UNC13C: variants seen among roughly 807,000 people sequenced by gnomAD.
UNC13C encodes the protein protein unc-13 homolog C.
Under a neutral mutation model 245.4 loss-of-function variants are expected in UNC13C, and 174 were observed. The observed-to-expected ratio is 0.71, with a 90% confidence interval of 0.63 to 0.80. UNC13C has a LOEUF of 0.80. UNC13C is among the 30% of genes least tolerant of loss of function. The probability of loss-of-function intolerance (pLI) is 0.00; values close to 1 mark genes in which losing one functional copy is unlikely to be tolerated. For missense variants in UNC13C, 2,829 were observed against 2,602.9 expected, an observed-to-expected ratio of 1.09 and a Z score of -1.89; for synonymous variants, 992 against 895.1, an observed-to-expected ratio of 1.11 and a Z score of -1.93.
chr15:54,038,140 T>TTTTTTC (rs1555406257), intron 2 of UNC13C, among the ~76,000 whole-genome samples: 12 of 127,548 alleles, frequency 9.4e-5, no homozygotes, highest in African/African-American at 3.5e-4. Flanking sequence ...TTTTTTTTTT[T>TTTTTTC]CCTGAGACAG....
chr15:54,023,231 G>A (rs562286882), intron 2 of UNC13C, among the ~76,000 whole-genome samples: 8 of 152,290 alleles, frequency 5.3e-5, no homozygotes, highest in African/African-American at 1.9e-4. Flanking sequence ...ATCATATAGC[G>A]AATTAAGGGT....
At chr15:53,920,201 A>G in the UNC13C span, among the ~76,000 whole-genome samples, 1 of 152,322 alleles carries the variant, frequency 6.6e-6, no homozygotes, top group South Asian at 2.1e-4. Flanking sequence ...AATATTGTTA[A>G]GATAACGCTA....
At chr15:54,181,962 T>G (rs909630265) in intron 4 of UNC13C, among the ~76,000 whole-genome samples, 1 of 151,980 alleles carries the variant, frequency 6.6e-6, no homozygotes, top group South Asian at 2.1e-4. Flanking sequence ...TCTAGATATA[T>G]GATCATATTT....
intron 2 of UNC13C, among the ~76,000 whole-genome samples, chr15:54,057,108 C>T (rs571919422): frequency 3.9e-5 from 6 of 152,256 alleles, no homozygotes; most frequent in Non-Finnish European, 8.8e-5. Flanking sequence ...TCACACATAA[C>T]AATACTAATC....
rs202079449 is a variant in UNC13C at position 54,322,073 on chromosome 15, G to A, written c.4403G>A (p.Arg1468Gln). 6.3e-6 allele frequency: 10 copies of A among 1,580,496 alleles called. No individual in the cohort carries two copies. The highest frequency in any genetic ancestry group is 1.7e-4 in the Middle Eastern group (1 of 5,994). ...STNIQVSASDRFAATNFGREK... is the reference protein window; with the variant it reads ...STNIQVSASDQFAATNFGREK... Reference sequence around the variant, plus strand: ...AACATACAGGTTTCTGCCTCAGATCGATTTGCTGCTACCAACTTTGGTGTA... The same window carrying A: ...AACATACAGGTTTCTGCCTCAGATCAATTTGCTGCTACCAACTTTGGTGTA... The change falls in exon 14 of 33, where the codon CGA becomes CAA. Residue 1468 changes from arginine (R) to glutamine (Q), a missense_variant. Coordinates refer to ENST00000260323, the MANE Select transcript of UNC13C (RefSeq NM_001080534.3).
intron 4 of UNC13C, among the ~76,000 whole-genome samples, chr15:54,220,120 C>A: frequency 6.6e-6 from 1 of 150,508 alleles, no homozygotes; most frequent in Non-Finnish European, 1.5e-5. Context: ...GACTATAAAT[C>A]ATGCTGCTAT....
intron 25 of UNC13C, among the ~76,000 whole-genome samples, chr15:54,527,953 C>T (rs1895549905): frequency 6.6e-6 from 1 of 152,172 alleles, no homozygotes; most frequent in South Asian, 2.1e-4. Context: ...TGTGATCATG[C>T]TGTGAAGTCA....
chr15:53,927,010 C>G, the UNC13C span, among the ~76,000 whole-genome samples: 1 of 152,166 alleles, frequency 6.6e-6, no homozygotes, highest in Non-Finnish European at 1.5e-5. Context: ...AGATTGTCAT[C>G]CATTTATTTA....
chr15:54,632,692 G>C (rs1171171369), downstream of UNC13C: 1 of 152,176 alleles, frequency 6.6e-6, no homozygotes, highest in Middle Eastern at 3.2e-3. Flanking sequence ...CCAAATGTGT[G>C]TGAGTCCATT....
At chr15:54,274,830 C>A (rs2036788745) in intron 10 of UNC13C, among the ~76,000 whole-genome samples, 1 of 151,902 alleles carries the variant, frequency 6.6e-6, no homozygotes, top group Non-Finnish European at 1.5e-5. Flanking sequence ...CGCCACCACG[C>A]CCAGCTAATT....
intron 17 of UNC13C, among the ~76,000 whole-genome samples, chr15:54,353,896 A>G (rs113976886): frequency 1.2e-4 from 18 of 152,290 alleles, no homozygotes; most frequent in East Asian, 1.9e-4. Context: ...ACGCCAACCA[A>G]TTGAAAAACA....
At chr15:54,457,574 A>T (rs918774694) in intron 19 of UNC13C, among the ~76,000 whole-genome samples, 2 of 151,524 alleles carry the variant, frequency 1.3e-5, no homozygotes, top group Admixed American at 1.3e-4. Flanking sequence ...CTCTGTTCCG[A>T]GTTTCTATTT....
At chr15:54,523,024 T>G (rs1895291525) in intron 24 of UNC13C, among the ~76,000 whole-genome samples, 1 of 152,184 alleles carries the variant, frequency 6.6e-6, no homozygotes, top group Non-Finnish European at 1.5e-5. Flanking sequence ...AAATATTAGA[T>G]TGCCTTTTAC....
intron 4 of UNC13C, among the ~76,000 whole-genome samples, chr15:54,221,945 G>T (rs2035239895): frequency 6.6e-6 from 1 of 151,852 alleles, no homozygotes. Context: ...GGGAATTTTT[G>T]TTTTATTTTA....
chr15:54,255,886 A>T (rs1010260745), intron 8 of UNC13C, among the ~76,000 whole-genome samples: 1 of 152,198 alleles, frequency 6.6e-6, no homozygotes, highest in African/African-American at 2.4e-5. Context: ...AATGAATGCA[A>T]TGGTCAGTTC....
chr15:54,623,883 CA>C lies in UNC13C; in HGVS notation c.6290del (p.Lys2097ArgfsTer55). 1 of 1,613,104 alleles carries C rather than the reference CA, an allele frequency of 6.2e-7. No individual in the cohort carries two copies. The highest frequency in any genetic ancestry group is 2.2e-5 in the East Asian group (1 of 44,830). ...GTATACTGGGACCCAACCTTGGAGACAAGAAGAGAAAACAAGGCACAAAAAC... is the reference window on the plus strand; with the variant it reads ...GTATACTGGGACCCAACCTTGGAGACAGAAGAGAAAACAAGGCACAAAAAC... ...VCILGPNLGDKKRKQGTKTKS... is the reference protein window; with the variant it reads ...VCILGPNLGDXKRKQGTKTKS... On this transcript the variant is annotated frameshift_variant, in exon 32 of 33. Coordinates refer to ENST00000260323, the MANE Select transcript of UNC13C (RefSeq NM_001080534.3). LOFTEE classifies it high-confidence loss of function.
chr15:54,442,342 C>T (rs1028231925), intron 19 of UNC13C, among the ~76,000 whole-genome samples: 1 of 150,954 alleles, frequency 6.6e-6, no homozygotes, highest in South Asian at 2.1e-4. Flanking sequence ...TCTGCCTCAG[C>T]CTCCTGAATA....
rs201134659 is a variant in UNC13C at position 54,500,105 on chromosome 15, G to T, written c.5087G>T (p.Trp1696Leu). The change falls in exon 21 of 33, where the codon TGG (tryptophan) becomes TTG (leucine). Residue 1696 changes from tryptophan to leucine, a missense_variant. Physicochemically the swap from Trp to Leu is moderately conservative, Grantham distance 61. Transcript: ENST00000260323. ...SLWFEPFVMQ[W>L]LDENEDVSME... Reference sequence around the variant, plus strand: ...TGGTTTGAACCTTTTGTCATGCAATGGCTAGATGAAAACGAAGATGTGTCA... The same window carrying T: ...TGGTTTGAACCTTTTGTCATGCAATTGCTAGATGAAAACGAAGATGTGTCA... 111 of 1,610,784 alleles carry T rather than the reference G, an allele frequency of 6.9e-5. No homozygotes were observed. Among genetic ancestry groups the T allele is most frequent in the Non-Finnish European group, 8.7e-5 (102 of 1,178,838 alleles).
At chr15:54,078,017 T>C (rs1011943549) in intron 2 of UNC13C, among the ~76,000 whole-genome samples, 3 of 152,164 alleles carry the variant, frequency 2.0e-5, no homozygotes, top group African/African-American at 4.8e-5. Context: ...ATTATTTCCA[T>C]GTTTATGTCC....
Sources: allele counts gnomAD v4.1 joint callset (sites outside exome capture counted in the v4.1 genomes callset), GRCh38; gene constraint gnomAD v4.1.1; transcripts MANE v1.5; gene names NCBI Gene and HGNC (gene_info 2026-07-23, HGNC 2026-07-21).